Variants in CLCN5 observed in about 807,000 individuals in gnomAD.
CLCN5 encodes H(+)/Cl(-) exchange transporter 5.
In CLCN5, 17 loss-of-function variants were observed where a neutral mutation model predicts 54.0. The ratio of observed to expected loss-of-function variants is 0.31; its 90% confidence interval spans 0.22 to 0.47. The LOEUF (loss-of-function observed/expected upper bound fraction) is 0.47. CLCN5 is among the 20% of genes least tolerant of loss of function. The pLI, the probability that CLCN5 is intolerant of heterozygous loss-of-function variation, is 1.00. For missense variants in CLCN5, 448 were observed against 646.7 expected (o/e 0.69, Z 3.33); for synonymous variants, 222 against 233.0 (o/e 0.95, Z 0.43).
chrX:49,941,364 T>C (rs1485386818), intron 3 of CLCN5, among the ~76,000 whole-genome samples: 3 of 111,199 alleles, frequency 2.7e-5, no homozygotes, highest in Non-Finnish European at 5.7e-5. Context: ...TAGCTATTAT[T>C]ATTGGTTCTT....
intron 3 of CLCN5, among the ~76,000 whole-genome samples, chrX:49,953,612 A>T: frequency 8.9e-6 from 1 of 112,286 alleles, no homozygotes; most frequent in Non-Finnish European, 1.9e-5. Flanking sequence ...AGCCTACAAT[A>T]ACACTTGACT....
At chrX:50,068,229 T>C (rs966558020) in intron 4 of CLCN5, 1 of 111,329 alleles carries the variant, frequency 9.0e-6, no homozygotes. Context: ...TTGAAACAGC[T>C]TGCCCTCCCC....
chrX:49,978,297 G>T (rs1928577014), intron 3 of CLCN5, among the ~76,000 whole-genome samples: 1 of 111,807 alleles, frequency 8.9e-6, no homozygotes, highest in African/African-American at 3.3e-5. Flanking sequence ...GTTTCATTTT[G>T]CACTGGGCCC....
At chrX:49,957,490 A>G (rs1019404669) in intron 3 of CLCN5, among the ~76,000 whole-genome samples, 1 of 111,689 alleles carries the variant, frequency 9.0e-6, no homozygotes, top group South Asian at 3.7e-4. Flanking sequence ...GCCAGGCACT[A>G]TGTTGCATTC....
intron 3 of CLCN5, chrX:50,013,164 CCT>C (rs782328041): frequency 2.4e-4 from 61 of 259,388 alleles, no homozygotes; most frequent in Middle Eastern, 5.8e-4. Context: ...CAATCTCTCT[CCT>C]CTCTCTCTCT....
chrX:50,055,451 T>G (rs1040788846), intron 4 of CLCN5, among the ~76,000 whole-genome samples: 1 of 111,701 alleles, frequency 9.0e-6, no homozygotes, highest in South Asian at 3.8e-4. Flanking sequence ...CACTTTGTTC[T>G]TATTTAAAAA....
chrX:50,006,629 G>A (rs781956663), intron 3 of CLCN5, among the ~76,000 whole-genome samples: 2 of 111,641 alleles, frequency 1.8e-5, no homozygotes, highest in East Asian at 5.7e-4. Context: ...GCTATCCTTG[G>A]GGTACAGGTG....
chrX:50,005,275 G>T (rs1557181234), intron 3 of CLCN5, among the ~76,000 whole-genome samples: 1 of 111,542 alleles, frequency 9.0e-6, no homozygotes, highest in African/African-American at 3.3e-5. Flanking sequence ...TTGAGGAAGG[G>T]GGAGCAGAAC....
At chrX:50,040,003 T>G (rs1213928882) in intron 3 of CLCN5, among the ~76,000 whole-genome samples, 1 of 112,181 alleles carries the variant, frequency 8.9e-6, no homozygotes, top group Non-Finnish European at 1.9e-5. Context: ...GATTTTCTTT[T>G]TTCTTAAATA....
chrX:50,079,936 A>G (rs1409812307), intron 7 of CLCN5, among the ~76,000 whole-genome samples: 4 of 111,738 alleles, frequency 3.6e-5, no homozygotes, highest in African/African-American at 1.3e-4. Flanking sequence ...TGCTCTTACC[A>G]CACATACAAA....
intron 3 of CLCN5, among the ~76,000 whole-genome samples, chrX:49,939,925 A>G (rs782189030): frequency 9.0e-6 from 1 of 111,622 alleles, no homozygotes; most frequent in African/African-American, 3.3e-5. Flanking sequence ...TTATTCAGCA[A>G]TCTCTTAACT....
chrX:50,010,764 A>G (rs1330042107), intron 3 of CLCN5: 6 of 114,759 alleles, frequency 5.2e-5, no homozygotes, highest in African/African-American at 2.0e-4. Context: ...ACATCTTCGC[A>G]TAGGACAGAG....
intron 4 of CLCN5, among the ~76,000 whole-genome samples, chrX:50,066,397 C>G (rs1933025020): frequency 9.0e-6 from 1 of 111,417 alleles, no homozygotes; most frequent in Non-Finnish European, 1.9e-5. Context: ...CATGCAGTGC[C>G]TCACATTTCA....
chrX:50,057,383 T>C (rs1254970258), intron 4 of CLCN5, among the ~76,000 whole-genome samples: 1 of 88,417 alleles, frequency 1.1e-5, no homozygotes, highest in African/African-American at 4.1e-5. Context: ...TGGTCCTGGA[T>C]AGATACTATC....
At chrX:50,060,825 GC>G (rs1395541229) in intron 4 of CLCN5, among the ~76,000 whole-genome samples, 1 of 99,787 alleles carries the variant, frequency 1.0e-5, no homozygotes, top group African/African-American at 4.4e-5. Flanking sequence ...CGGGCAGACT[GC>G]CTCCTCAAGT....
chrX:49,984,856 A>G (rs1928921696), intron 3 of CLCN5, among the ~76,000 whole-genome samples: 1 of 110,650 alleles, frequency 9.0e-6, no homozygotes, highest in Admixed American at 9.7e-5. Flanking sequence ...GGGCTCGAAT[A>G]TCCTCACACC....
At chrX:49,963,586 A>T (rs1557175074) in intron 3 of CLCN5, among the ~76,000 whole-genome samples, 1 of 112,065 alleles carries the variant, frequency 8.9e-6, no homozygotes, top group Non-Finnish European at 1.9e-5. Context: ...TACATTTGGA[A>T]AAAGGGAATT....
intron 3 of CLCN5, among the ~76,000 whole-genome samples, chrX:49,969,624 A>T (rs1640879246): frequency 8.9e-6 from 1 of 111,938 alleles, no homozygotes; most frequent in Non-Finnish European, 1.9e-5. Flanking sequence ...TTCACCTGAG[A>T]ACAGACTATG....
intron 4 of CLCN5, among the ~76,000 whole-genome samples, chrX:50,046,574 C>T (rs1374242591): frequency 2.7e-5 from 3 of 111,187 alleles, no homozygotes; most frequent in Non-Finnish European, 5.7e-5. Flanking sequence ...AGGAAGACTG[C>T]AGGGGCTAGG....
Sources: allele counts gnomAD v4.1 joint callset (sites outside exome capture counted in the v4.1 genomes callset), GRCh38; gene constraint gnomAD v4.1.1; transcripts MANE v1.5; gene names NCBI Gene and HGNC (gene_info 2026-07-23, HGNC 2026-07-21).